Variants in FNIP1 observed in about 807,000 individuals in gnomAD.
FNIP1 encodes folliculin interacting protein 1.
FNIP1 carries 40 observed loss-of-function variants against 124.5 expected under a neutral mutation model. The ratio of observed to expected loss-of-function variants is 0.32; its 90% CI spans 0.25 to 0.42. The LOEUF (loss-of-function observed/expected upper bound fraction) is 0.42. Among genes scored for constraint, FNIP1 ranks in the 10% least tolerant of loss-of-function variants. FNIP1 has a pLI of 1.00. For synonymous variants in FNIP1, 472 were observed against 470.6 expected (o/e 1.00, Z -0.04); for missense variants, 1,176 against 1,403.7 (o/e 0.84, Z 2.59).
intron 2 of FNIP1, among the ~76,000 whole-genome samples, chr5:131,739,411 A>G (rs915168185): frequency 2.0e-5 from 3 of 152,186 alleles, no homozygotes; most frequent in Non-Finnish European, 4.4e-5. Context: ...TTGTCTCAAC[A>G]CCATTTAAGA....
chr5:131,774,926 T>TA (rs1771753392), intron 1 of FNIP1, among the ~76,000 whole-genome samples: 1 of 152,226 alleles, frequency 6.6e-6, no homozygotes, highest in African/African-American at 2.4e-5. Flanking sequence ...GTATCTTCTA[T>TA]TAATTTATAA....
intron 1 of FNIP1, among the ~76,000 whole-genome samples, chr5:131,750,144 G>C (rs1019993015): frequency 1.3e-5 from 2 of 152,092 alleles, no homozygotes; most frequent in Admixed American, 1.3e-4. Flanking sequence ...CCAAGGTAAG[G>C]GTTTTGATAG....
At chr5:131,757,079 A>G (rs575752435) in intron 1 of FNIP1, among the ~76,000 whole-genome samples, 1 of 152,284 alleles carries the variant, frequency 6.6e-6, no homozygotes, top group East Asian at 1.9e-4. Flanking sequence ...TAGCTGAGGA[A>G]ATGTGGCCAG....
chr5:131,703,308 CACA>C (rs1355236198), intron 10 of FNIP1, among the ~76,000 whole-genome samples: 1 of 152,206 alleles, frequency 6.6e-6, no homozygotes, highest in Admixed American at 6.5e-5. Context: ...TAATTGGTCT[CACA>C]ACATCTACTT....
At chr5:131,764,964 T>C (rs1225518312) in intron 1 of FNIP1, among the ~76,000 whole-genome samples, 2 of 152,132 alleles carry the variant, frequency 1.3e-5, no homozygotes, top group East Asian at 3.9e-4. Flanking sequence ...GGCTCACACC[T>C]GTAATTCCAG....
chr5:131,692,661 A>C (rs954557958), intron 11 of FNIP1, among the ~76,000 whole-genome samples: 1 of 152,158 alleles, frequency 6.6e-6, no homozygotes, highest in Non-Finnish European at 1.5e-5. Flanking sequence ...ATTTACTATA[A>C]AGATATAGTA....
intron 11 of FNIP1, among the ~76,000 whole-genome samples, chr5:131,692,700 A>G (rs1768521606): frequency 2.0e-5 from 3 of 152,134 alleles, no homozygotes; most frequent in African/African-American, 7.2e-5. Context: ...TTGGGAGATA[A>G]GGGAGATGTT....
intron 1 of FNIP1, among the ~76,000 whole-genome samples, chr5:131,775,554 G>A (rs1388334751): frequency 7.1e-6 from 1 of 140,126 alleles, no homozygotes. Flanking sequence ...TTGAGAAGGA[G>A]TTTCGCTCTT....
chr5:131,699,323 CAT>C (rs1233500303), intron 10 of FNIP1, among the ~76,000 whole-genome samples: 2 of 151,084 alleles, frequency 1.3e-5, no homozygotes, highest in Admixed American at 1.3e-4. Context: ...CAGAACAAGA[CAT>C]AATGATAACT....
intron 1 of FNIP1, 22 bp downstream of exon 1, chr5:131,796,808 C>T: frequency 6.4e-7 from 1 of 1,558,368 alleles, no homozygotes; most frequent in South Asian, 1.2e-5. Context: ...GGCTCCGCGA[C>T]CCCCGCCCCA....
intron 1 of FNIP1, among the ~76,000 whole-genome samples, chr5:131,749,367 C>T (rs374037066): frequency 6.6e-6 from 1 of 151,596 alleles, no homozygotes; most frequent in East Asian, 1.9e-4. Flanking sequence ...AATGGATCGC[C>T]CTATATAAGT....
intron 1 of FNIP1, among the ~76,000 whole-genome samples, chr5:131,767,368 G>A (rs1771465108): frequency 7.4e-6 from 1 of 134,534 alleles, no homozygotes; most frequent in South Asian, 2.6e-4. Flanking sequence ...GGCGGAGGCT[G>A]CAGTAAGCCA....
At chr5:131,770,917 A>G (rs537352513) in intron 1 of FNIP1, among the ~76,000 whole-genome samples, 244 of 152,332 alleles carry the variant, frequency 1.6e-3, no homozygotes, top group Non-Finnish European at 2.9e-3. Flanking sequence ...GATGAATTAG[A>G]AACAATACAA....
chr5:131,699,395 C>CTT lies in FNIP1; in HGVS notation c.1117-395_1117-394dup, dbSNP rs1230600109. Among the ~76,000 whole-genome samples the CTT allele has an allele frequency of 3.5e-4, 48 of 135,990 alleles. 1 individual carries two copies. The highest frequency in any genetic ancestry group is 6.4e-4 in the African/African-American group (23 of 36,018). The allele number at this position is 135,990 out of a possible 152,430, so 89.2% of individuals were successfully genotyped here. A position where few individuals can be genotyped will look rare whatever the true frequency, so the allele number is the denominator to read the frequency against. ...TCACAGATAACACTTCTGTTAACTC[C>CTT]TTTTTTTTTTTTTTTTTGACAAGAG... On this transcript the variant is annotated intron_variant, in intron 10 of 17. Transcript: ENST00000510461.
intron 3 of FNIP1, among the ~76,000 whole-genome samples, chr5:131,726,795 C>G (rs906887147): frequency 4.6e-5 from 7 of 152,150 alleles, no homozygotes; most frequent in Non-Finnish European, 7.4e-5. Flanking sequence ...CTCCTGTGGG[C>G]ATTTAGTGCT....
At chr5:131,677,109 A>G (rs186515480) in intron 13 of FNIP1, among the ~76,000 whole-genome samples, 3 of 152,310 alleles carry the variant, frequency 2.0e-5, no homozygotes, top group Middle Eastern at 3.4e-3. Context: ...ATCATCTACT[A>G]TTATTCCTAC....
chr5:131,789,682 C>T (rs1772333346), intron 1 of FNIP1, among the ~76,000 whole-genome samples: 1 of 152,228 alleles, frequency 6.6e-6, no homozygotes, highest in Non-Finnish European at 1.5e-5. Context: ...GACCTGTCAG[C>T]AACCAGTATA....
chr5:131,744,641 G>C lies in FNIP1; in HGVS notation c.142C>G (p.Gln48Glu). The C allele has an allele frequency of 6.2e-7, 1 of 1,611,674 alleles. No individual in the cohort carries two copies. The highest frequency in any genetic ancestry group is 2.2e-5 in the East Asian group (1 of 44,718). Residue 48 changes from glutamine (Q) to glutamate (E), a missense_variant, in exon 2 of 18, where the codon CAA becomes GAA. Coordinates refer to ENST00000510461, the MANE Select transcript of FNIP1 (RefSeq NM_133372.3). Reference protein sequence around the residue: ...DPSQIRLIVYQDCERRGRNVL... With the variant: ...DPSQIRLIVYEDCERRGRNVL... Reference sequence around the variant, plus strand: ...TTTCTCCCTCGTCTTTCACAGTCTTGATATACAATCAGTCGAATCTGGCTT... The same window carrying C: ...TTTCTCCCTCGTCTTTCACAGTCTTCATATACAATCAGTCGAATCTGGCTT...
At chr5:131,664,199 GT>G (rs1170296594) in intron 15 of FNIP1, among the ~76,000 whole-genome samples, 1 of 152,082 alleles carries the variant, frequency 6.6e-6, no homozygotes, top group Non-Finnish European at 1.5e-5. Context: ...GAATAACATG[GT>G]TTTCTTAGTG....
Sources: allele counts gnomAD v4.1 joint callset (sites outside exome capture counted in the v4.1 genomes callset), GRCh38; gene constraint gnomAD v4.1.1; transcripts MANE v1.5; gene names NCBI Gene and HGNC (gene_info 2026-07-23, HGNC 2026-07-21).